ATP1A2: variants seen among roughly 807,000 people sequenced by gnomAD.
ATP1A2 encodes ATPase Na+/K+ transporting subunit alpha 2.
In ATP1A2, 56 loss-of-function variants were observed where a neutral mutation model predicts 113.1. That is an observed-to-expected ratio of 0.49 (90% confidence interval 0.40 to 0.62). The LOEUF is 0.62. ATP1A2 is among the 20% of genes least tolerant of loss of function. ATP1A2 has a pLI of 0.00. For synonymous variants in ATP1A2, 490 were observed against 526.8 expected (o/e 0.93, Z 0.96); for missense variants, 712 against 1,357.8 (o/e 0.52, Z 7.47).
At chr1:160,133,879 C>T (rs1651838081) in intron 13 of ATP1A2, among the ~76,000 whole-genome samples, 1 of 152,118 alleles carries the variant, frequency 6.6e-6, no homozygotes, top group African/African-American at 2.4e-5. Context: ...AGGGGATCCT[C>T]ATGAACTTGT....
chr1:160,141,573 T>C lies in ATP1A2; in HGVS notation c.*251T>C. ...CCGACCAGATCCTTTTCCATCCCAC[T>C]CCACTATGTTGTCTATTTTTTCTGA... On this transcript the variant is annotated 3_prime_UTR_variant, in exon 23 of 23. Transcript: ENST00000361216. 1.8e-6 allele frequency: 1 copy of C among 568,564 alleles called. No homozygotes were observed. The highest frequency in any genetic ancestry group is 2.0e-5 in the South Asian group (1 of 51,032). The allele number at this position is 568,564 out of a possible 1,614,324, so 35.2% of individuals were successfully genotyped here. A position where few individuals can be genotyped will look rare whatever the true frequency, so the allele number is the denominator to read the frequency against.
chr1:160,128,445 A>C (rs1329635673), intron 8 of ATP1A2: 1 of 1,472,000 alleles, frequency 6.8e-7, no homozygotes, highest in African/African-American at 1.4e-5. Flanking sequence ...AAACGTCTTA[A>C]ACCCCCTAAT....
At chr1:160,124,948 G>A (rs1487804476) in intron 6 of ATP1A2, among the ~76,000 whole-genome samples, 188 bp from the exon 7 acceptor site, 2 of 152,186 alleles carry the variant, frequency 1.3e-5, no homozygotes, top group South Asian at 2.1e-4. Flanking sequence ...AAGAAGTCAG[G>A]AGGAGTCAGA....
At chr1:160,123,109 C>T (rs1194917236) in intron 3 of ATP1A2, 104 bp from the exon 4 acceptor site, 1 of 1,353,130 alleles carries the variant, frequency 7.4e-7, no homozygotes, top group Non-Finnish European at 1.0e-6. Context: ...GTGGGACTTT[C>T]CTTCTGGGCA....
At chr1:160,119,356 G>C (rs1015018812) in intron 1 of ATP1A2, among the ~76,000 whole-genome samples, 3 of 148,170 alleles carry the variant, frequency 2.0e-5, no homozygotes, top group African/African-American at 7.4e-5. Flanking sequence ...ATCATAGTGT[G>C]GGAAAACTAA....
At position 160,143,381 on chromosome 1, in the gene ATP1A2, T is replaced by C. The variant is rs1044803828; in HGVS notation, c.*2059T>C. 1 of 152,640 alleles carries C rather than the reference T, an allele frequency of 6.6e-6. No homozygotes were observed. Among genetic ancestry groups the C allele is most frequent in the Non-Finnish European group, 1.5e-5 (1 of 68,036 alleles). 9.5% of individuals were successfully genotyped at this position (152,640 alleles called of 1,614,324 possible). A position where few individuals can be genotyped will look rare whatever the true frequency, so the allele number is the denominator to read the frequency against. On this transcript the variant is annotated 3_prime_UTR_variant, in exon 23 of 23. Coordinates refer to ENST00000361216, the MANE Select transcript of ATP1A2 (RefSeq NM_000702.4). ...ATAAACAATATTGCTAGAGGTGGCA[T>C]GTTTAGTCTACCAAAAACAATACTT... is the stretch of plus-strand genomic sequence containing the variant.
At chr1:160,125,311 G>C (rs1651552242) in intron 7 of ATP1A2, 58 bp downstream of exon 7, 2 of 1,483,780 alleles carry the variant, frequency 1.3e-6, no homozygotes, top group Non-Finnish European at 1.9e-6. Flanking sequence ...CCATAGTCAG[G>C]ATGAAGGGCT....
intron 13 of ATP1A2, among the ~76,000 whole-genome samples, chr1:160,131,780 G>A (rs1192040697): frequency 3.3e-5 from 5 of 151,560 alleles, no homozygotes; most frequent in East Asian, 1.9e-4. Context: ...GCAGTGAGCC[G>A]AGATTAGGCC....
chr1:160,124,167 C>A lies in ATP1A2; in HGVS notation c.495+111C>A. 5 of 1,557,418 alleles carry A rather than the reference C, an allele frequency of 3.2e-6. No homozygotes were observed. In the South Asian group the frequency reaches 5.8e-5, roughly 18 times the overall value. The stretch of plus-strand genomic sequence containing the variant: ...GATAGAGATGGACAGAAAAGATCCT[C>A]CAGCTTTCCATGCCAGCACCTAATT... On this transcript the variant is annotated intron_variant, in intron 5 of 22. Coordinates refer to ENST00000361216, the MANE Select transcript of ATP1A2 (RefSeq NM_000702.4).
chr1:160,126,947 A>G (rs531492654), intron 7 of ATP1A2, among the ~76,000 whole-genome samples: 1 of 152,328 alleles, frequency 6.6e-6, no homozygotes, highest in East Asian at 1.9e-4. Context: ...GCACTGGCCT[A>G]AGTATATTAA....
rs1011686386 is a variant in ATP1A2, at chr1:160,143,066, G to A, written c.*1744G>A. On this transcript the variant is annotated 3_prime_UTR_variant, in exon 23 of 23. Transcript: ENST00000361216. Reference sequence around the variant, plus strand: ...AGAGAGACCTAGATAGGTCATGCAAGTGAGAAAGACATCTGAGGAAAATGG... The same window carrying A: ...AGAGAGACCTAGATAGGTCATGCAAATGAGAAAGACATCTGAGGAAAATGG... The A allele has an allele frequency of 6.6e-6, 1 of 152,286 alleles. No homozygotes were observed. Among genetic ancestry groups the A allele is most frequent in the South Asian group, 2.1e-4 (1 of 4,840 alleles). The allele number at this position is 152,286 out of a possible 1,614,324, so 9.4% of individuals were successfully genotyped here. A position where few individuals can be genotyped will look rare whatever the true frequency, so the allele number is the denominator to read the frequency against.
intron 20 of ATP1A2, 92 bp from the exon 21 acceptor site, chr1:160,139,548 T>A (rs1485153976): frequency 9.3e-7 from 1 of 1,078,242 alleles, no homozygotes; most frequent in African/African-American, 1.5e-5. Flanking sequence ...TTTAGAATTC[T>A]CTCTCCTCTT....
In ATP1A2 at chr1:160,129,045, C is replaced by T. The variant is rs779985796; in HGVS notation, c.1282C>T (p.Arg428Cys). 3.7e-6 allele frequency: 6 copies of T among 1,612,602 alleles called. No homozygotes were observed. The highest frequency in any genetic ancestry group is 1.3e-5 in the African/African-American group (1 of 75,000). ...ALSRIAGLCN[R>C]AVFKAGQENI... is the part of the protein sequence containing the mutation. ...GTCTCGAATTGCTGGTCTCTGCAAC[C>T]GCGCCGTCTTCAAGGCAGGACAGGA... Residue 428 changes from arginine (R) to cysteine (C), a missense_variant, in exon 10 of 23, where the codon CGC (arginine) becomes TGC (cysteine). Arg to Cys is a radical substitution (Grantham distance 180). Transcript: ENST00000361216.
Position 160,128,762 on chromosome 1 carries a change from G to A in ATP1A2, c.1128G>A (p.Thr376=), listed in dbSNP as rs374374188. 61 of 1,614,114 alleles carry A rather than the reference G, an allele frequency of 3.8e-5. No individual in the cohort carries two copies. The highest frequency in any genetic ancestry group is 8.9e-5 in the East Asian group (4 of 44,868). ...GSTSTICSDK[T]GTLTQNRMTV... ...CGTCCACCATCTGCTCGGACAAGAC[G>A]GGCACCCTCACCCAGAACCGCATGA... Residue 376 remains threonine, a synonymous_variant, in exon 9 of 23, where the codon ACG becomes ACA. Coordinates refer to ENST00000361216, the MANE Select transcript of ATP1A2 (RefSeq NM_000702.4).
At position 160,127,688 on chromosome 1, in the gene ATP1A2, G is replaced by C; in HGVS notation, c.885G>C (p.Gly295=). The C allele has an allele frequency of 1.2e-6, 2 of 1,614,212 alleles. No homozygotes were observed. Among genetic ancestry groups the C allele is most frequent in the Non-Finnish European group, 1.7e-6 (2 of 1,180,036 alleles). Residue 295 remains glycine (G), a synonymous_variant, in exon 8 of 23, where the codon GGG becomes GGC. Coordinates refer to ENST00000361216, the MANE Select transcript of ATP1A2 (RefSeq NM_000702.4). The part of the protein sequence containing the change: ...EIEHFIQLIT[G]VAVFLGVSFF... Reference sequence around the variant, plus strand: ...AACACTTCATCCAGCTGATCACAGGGGTCGCTGTATTCCTGGGGGTCTCCT... The same window carrying C: ...AACACTTCATCCAGCTGATCACAGGCGTCGCTGTATTCCTGGGGGTCTCCT...
At chr1:160,137,897 C>G (rs1159589700) in intron 20 of ATP1A2, among the ~76,000 whole-genome samples, 1 of 151,994 alleles carries the variant, frequency 6.6e-6, no homozygotes, top group African/African-American at 2.4e-5. Flanking sequence ...AAGTGAAAAG[C>G]CTGTTAGATA....
At position 160,124,268 on chromosome 1, in the gene ATP1A2, TTCATGAGCTG is replaced by T; in HGVS notation, c.496-27_496-18del. 1 of 1,580,138 alleles carries T rather than the reference TTCATGAGCTG, an allele frequency of 6.3e-7. No individual in the cohort carries two copies. The highest frequency in any genetic ancestry group is 8.6e-7 in the Non-Finnish European group (1 of 1,163,056). ...AGAAGGCAGGGGCAGAGACAAGCAT[TTCATGAGCTG>T]CCTGTGGCTCCCCACAGCAAGCCCT... On this transcript the variant is annotated intron_variant, in intron 5 of 22. Transcript: ENST00000361216.
At chr1:160,127,359 T>C (rs1194046096) in intron 7 of ATP1A2, among the ~76,000 whole-genome samples, 193 bp from the exon 8 acceptor site, 2 of 152,208 alleles carry the variant, frequency 1.3e-5, no homozygotes, top group Non-Finnish European at 2.9e-5. Context: ...AATTTGCTGT[T>C]GTATTGATTC....
At chr1:160,134,800 C>A (rs1328087897) in intron 14 of ATP1A2, among the ~76,000 whole-genome samples, 180 bp downstream of exon 14, 1 of 152,166 alleles carries the variant, frequency 6.6e-6, no homozygotes, top group African/African-American at 2.4e-5. Context: ...CACTGAATAC[C>A]CATGTAACCT....
Sources: allele counts gnomAD v4.1 joint callset (sites outside exome capture counted in the v4.1 genomes callset), GRCh38; gene constraint gnomAD v4.1.1; transcripts MANE v1.5; gene names NCBI Gene and HGNC (gene_info 2026-07-23, HGNC 2026-07-21).